The following CDC42SE2 variants were observed in gnomAD, a reference collection of about 807,000 sequenced individuals.
The protein encoded by CDC42SE2 is CDC42 small effector 2.
A neutral mutation model predicts 11.5 loss-of-function variants in CDC42SE2; 3 were observed. The observed-to-expected ratio is 0.26, with a 90% CI of 0.12 to 0.67. The LOEUF (loss-of-function observed/expected upper bound fraction) is 0.67, where lower values mean the gene tolerates loss of function less well. Among genes scored for constraint, CDC42SE2 ranks in the 30% least tolerant of loss-of-function variants. The probability of loss-of-function intolerance (pLI) is 0.80; values close to 1 mark genes in which losing one functional copy is unlikely to be tolerated. For synonymous variants in CDC42SE2, 33 were observed against 34.8 expected, an observed-to-expected ratio of 0.95 and a Z score of 0.18; for missense variants, 82 against 106.8, an observed-to-expected ratio of 0.77 and a Z score of 1.02.
chr5:131,266,710 G>A (rs1426271730), intron 1 of CDC42SE2, among the ~76,000 whole-genome samples: 1 of 151,876 alleles, frequency 6.6e-6, no homozygotes, highest in South Asian at 2.1e-4. Flanking sequence ...TGCCCGCCTC[G>A]GCCTCCCAAA....
intron 1 of CDC42SE2, among the ~76,000 whole-genome samples, chr5:131,315,061 T>C (rs573123467): frequency 1.3e-5 from 2 of 152,186 alleles, no homozygotes; most frequent in East Asian, 3.9e-4. Context: ...TGTGGGACTT[T>C]ATGTTTGTGG....
intron 2 of CDC42SE2, among the ~76,000 whole-genome samples, chr5:131,327,800 A>G (rs995811032): frequency 1.3e-5 from 2 of 152,216 alleles, no homozygotes; most frequent in South Asian, 2.1e-4. Context: ...AGTGCCTTAG[A>G]TGCTGTTGTG....
intron 3 of CDC42SE2, among the ~76,000 whole-genome samples, chr5:131,366,203 T>C (rs946492677): frequency 7.2e-5 from 11 of 152,218 alleles, no homozygotes; most frequent in Non-Finnish European, 1.2e-4. Context: ...CACTGTATAT[T>C]GTACCTCTTC....
intron 3 of CDC42SE2, among the ~76,000 whole-genome samples, chr5:131,380,862 C>T (rs768584431): frequency 6.6e-6 from 1 of 152,210 alleles, no homozygotes; most frequent in Non-Finnish European, 1.5e-5. Flanking sequence ...TTCTCTTTCT[C>T]CATTTTCCAC....
intron 1 of CDC42SE2, among the ~76,000 whole-genome samples, chr5:131,267,824 A>G (rs1468932616): frequency 1.3e-5 from 2 of 152,120 alleles, no homozygotes; most frequent in Non-Finnish European, 2.9e-5. Context: ...TCTGCTTTAA[A>G]ATGAGTCTGG....
At chr5:131,389,810 C>G (rs928822128) in intron 4 of CDC42SE2, among the ~76,000 whole-genome samples, 1 of 152,100 alleles carries the variant, frequency 6.6e-6, no homozygotes, top group African/African-American at 2.4e-5. Context: ...AATAAATACT[C>G]GACCACATTG....
chr5:131,289,534 G>A (rs1372338696), intron 1 of CDC42SE2, among the ~76,000 whole-genome samples: 2 of 152,114 alleles, frequency 1.3e-5, no homozygotes, highest in African/African-American at 2.4e-5. Flanking sequence ...TTAGCTGGGC[G>A]TGGTGGCACG....
chr5:131,313,441 TTTGCC>T (rs1757974400), intron 1 of CDC42SE2, among the ~76,000 whole-genome samples: 1 of 152,258 alleles, frequency 6.6e-6, no homozygotes, highest in Non-Finnish European at 1.5e-5. Flanking sequence ...TTTACTAATC[TTTGCC>T]CAAGATAAGG....
intron 2 of CDC42SE2, among the ~76,000 whole-genome samples, chr5:131,333,893 A>G (rs892091130): frequency 3.9e-5 from 6 of 152,216 alleles, no homozygotes; most frequent in Non-Finnish European, 7.3e-5. Flanking sequence ...TAGATATACA[A>G]TCATGTCATC....
At chr5:131,381,392 C>T (rs552935549) in intron 3 of CDC42SE2, among the ~76,000 whole-genome samples, 5 of 151,844 alleles carry the variant, frequency 3.3e-5, no homozygotes, top group African/African-American at 4.8e-5. Flanking sequence ...GGCTCGATCT[C>T]GGCTCACTGC....
At chr5:131,373,129 T>C (rs141191818) in intron 3 of CDC42SE2, among the ~76,000 whole-genome samples, 10 of 152,314 alleles carry the variant, frequency 6.6e-5, no homozygotes, top group Admixed American at 5.2e-4. Flanking sequence ...AAGAGAGATA[T>C]AGTTATCTCA....
chr5:131,328,087 A>G (rs1758335905), intron 2 of CDC42SE2, among the ~76,000 whole-genome samples: 2 of 152,180 alleles, frequency 1.3e-5, no homozygotes, highest in South Asian at 2.1e-4. Flanking sequence ...GAAATGGGGC[A>G]CATAGTCTTA....
chr5:131,222,855 CT>C, the CDC42SE2 span, among the ~76,000 whole-genome samples: 1 of 152,188 alleles, frequency 6.6e-6, no homozygotes, highest in Non-Finnish European at 1.5e-5. Context: ...ATATCATTTG[CT>C]ACCTTAATCC....
At chr5:131,276,703 C>G (rs1490970965) in intron 1 of CDC42SE2, among the ~76,000 whole-genome samples, 3 of 150,766 alleles carry the variant, frequency 2.0e-5, no homozygotes, top group Non-Finnish European at 4.4e-5. Context: ...ACAATTTAGA[C>G]TCTCATATAA....
rs545398943 is a variant in CDC42SE2, at chr5:131,376,116, G to A, written c.55-9427G>A. Among the ~76,000 whole-genome samples, 19 of 152,202 alleles carry A rather than the reference G, an allele frequency of 1.2e-4. No individual in the cohort carries two copies. In the South Asian group the frequency reaches 3.9e-3, roughly 32 times the overall value. On this transcript the variant is annotated intron_variant, in intron 3 of 4. Coordinates refer to ENST00000505065, the MANE Select transcript of CDC42SE2 (RefSeq NM_001375635.1). ...TAGATGGGCATGGTGGTGCATGCCTGTAATTCCAGCTACTCGGGAGGCTGA... is the reference window on the plus strand; with the variant it reads ...TAGATGGGCATGGTGGTGCATGCCTATAATTCCAGCTACTCGGGAGGCTGA...
intron 3 of CDC42SE2, among the ~76,000 whole-genome samples, chr5:131,362,836 C>G (rs1312217245): frequency 6.6e-6 from 1 of 152,102 alleles, no homozygotes; most frequent in Non-Finnish European, 1.5e-5. Context: ...TGCTGCCCTG[C>G]AATTTAATTT....
chr5:131,311,113 A>T (rs910847538), intron 1 of CDC42SE2, among the ~76,000 whole-genome samples: 1 of 151,828 alleles, frequency 6.6e-6, no homozygotes, highest in African/African-American at 2.4e-5. Flanking sequence ...TGCTTCCTTC[A>T]GGAGCTCTTT....
chr5:131,312,947 G>T (rs1008091126), intron 1 of CDC42SE2, among the ~76,000 whole-genome samples: 1 of 151,722 alleles, frequency 6.6e-6, no homozygotes, highest in Non-Finnish European at 1.5e-5. Flanking sequence ...GTTCCTATTC[G>T]GCCATCTTGG....
chr5:131,290,731 C>T (rs1431305987), intron 1 of CDC42SE2, among the ~76,000 whole-genome samples: 4 of 151,978 alleles, frequency 2.6e-5, no homozygotes, highest in African/African-American at 7.2e-5. Flanking sequence ...CTGCACACCT[C>T]GTCCTCCCAG....
Sources: allele counts gnomAD v4.1 joint callset (sites outside exome capture counted in the v4.1 genomes callset), GRCh38; gene constraint gnomAD v4.1.1; transcripts MANE v1.5; gene names NCBI Gene and HGNC (gene_info 2026-07-23, HGNC 2026-07-21).